ABL1: variants seen among roughly 807,000 people sequenced by gnomAD.
ABL1 encodes tyrosine-protein kinase ABL1.
In ABL1, 11 loss-of-function variants were observed where a neutral mutation model predicts 94.7. The ratio of observed to expected loss-of-function variants is 0.12; its 90% CI spans 0.07 to 0.19. ABL1 has a LOEUF of 0.19. Among genes scored for constraint, ABL1 ranks in the 10% least tolerant of loss-of-function variants. The pLI, the probability that ABL1 is intolerant of heterozygous loss-of-function variation, is 1.00. For synonymous variants in ABL1, 656 were observed against 622.4 expected, an observed-to-expected ratio of 1.05 and a Z score of -0.80; for missense variants, 1,082 against 1,489.4, an observed-to-expected ratio of 0.73 and a Z score of 4.50.
At chr9:130,878,630 A>G in intron 8 of ABL1, 63 bp downstream of exon 8, 1 of 1,576,918 alleles carries the variant, frequency 6.3e-7, no homozygotes, top group Non-Finnish European at 8.7e-7. Flanking sequence ...TCAACTGTGC[A>G]GGAGTGTGTA....
intron 1 of ABL1, among the ~76,000 whole-genome samples, chr9:130,803,121 C>A (rs1414979204): frequency 6.6e-6 from 1 of 152,164 alleles, no homozygotes; most frequent in Non-Finnish European, 1.5e-5. Flanking sequence ...CTCACTGCAA[C>A]CCCTACCTCC....
intron 1 of ABL1, among the ~76,000 whole-genome samples, chr9:130,766,211 C>G (rs796323025): frequency 1.8e-4 from 28 of 152,368 alleles, no homozygotes; most frequent in African/African-American, 6.5e-4. Context: ...CCTCGGCCCC[C>G]AGTGCCCCCG....
At chr9:130,818,095 C>T (rs1830313564) in intron 1 of ABL1, among the ~76,000 whole-genome samples, 1 of 152,152 alleles carries the variant, frequency 6.6e-6, no homozygotes, top group Admixed American at 6.5e-5. Flanking sequence ...CCAGTTGCTC[C>T]ATTTGGTCTT....
At chr9:130,859,584 G>A (rs535013749) in intron 3 of ABL1, among the ~76,000 whole-genome samples, 31 of 151,894 alleles carry the variant, frequency 2.0e-4, no homozygotes, top group South Asian at 1.3e-3. Flanking sequence ...TGGGACTCCC[G>A]GGCCCAAAGC....
intron 6 of ABL1, among the ~76,000 whole-genome samples, chr9:130,873,663 C>T (rs1831291947): frequency 6.6e-6 from 1 of 152,222 alleles, no homozygotes; most frequent in African/African-American, 2.4e-5. Context: ...TTTTGACCTT[C>T]AAATGTGCCA....
chr9:130,872,867 C>T lies in ABL1; in HGVS notation c.915C>T (p.Cys305=), dbSNP rs1259502994. The T allele has an allele frequency of 1.9e-6, 3 of 1,610,518 alleles. No homozygotes were observed. Among genetic ancestry groups the T allele is most frequent in the Admixed American group, 1.7e-5 (1 of 59,862 alleles). The part of the protein sequence containing the change: ...HPNLVQLLGV[C]TREPPFYIIT... ...TCGTTGTCTTGTTGGCAGGGGTCTGCACCCGGGAGCCCCCGTTCTATATCA... is the reference window on the plus strand; with the variant it reads ...TCGTTGTCTTGTTGGCAGGGGTCTGTACCCGGGAGCCCCCGTTCTATATCA... Residue 305 remains cysteine (C), a synonymous_variant, in exon 6 of 11, where the codon TGC becomes TGT. Coordinates refer to ENST00000318560, the MANE Select transcript of ABL1 (RefSeq NM_005157.6). The surrounding 1 kb of genome is among the most constrained non-coding windows in gnomAD (Gnocchi z 5.0).
intron 1 of ABL1, among the ~76,000 whole-genome samples, chr9:130,815,378 G>C (rs989780892): frequency 2.0e-5 from 3 of 152,126 alleles, no homozygotes; most frequent in South Asian, 4.1e-4. Context: ...CTTGTCCCCA[G>C]ATCTGATATA....
At chr9:130,749,974 G>A (rs1246388129) in intron 1 of ABL1, among the ~76,000 whole-genome samples, 1 of 151,542 alleles carries the variant, frequency 6.6e-6, no homozygotes, top group African/African-American at 2.4e-5. Flanking sequence ...AGGAGTTTGA[G>A]ACCAGCCTGG....
intron 1 of ABL1, among the ~76,000 whole-genome samples, chr9:130,728,100 CTG>C (rs1225917787): frequency 6.6e-6 from 1 of 152,066 alleles, no homozygotes; most frequent in African/African-American, 2.4e-5. Flanking sequence ...AGATCTCACT[CTG>C]TCACTCAGGC....
intron 3 of ABL1, among the ~76,000 whole-genome samples, chr9:130,858,487 G>A (rs2132964708): frequency 6.6e-6 from 1 of 152,206 alleles, no homozygotes; most frequent in African/African-American, 2.4e-5. Context: ...AGCCGTTTGG[G>A]CACCTGGGGA....
At chr9:130,732,658 G>C (rs1379786167) in intron 1 of ABL1, among the ~76,000 whole-genome samples, 1 of 152,050 alleles carries the variant, frequency 6.6e-6, no homozygotes, top group Non-Finnish European at 1.5e-5. Context: ...TGGGAATATT[G>C]TCCCTGTTAC....
chr9:130,714,453 A>G (rs1387507859), exon 1 of ABL1: 6 of 1,614,228 alleles, frequency 3.7e-6, no homozygotes, highest in Non-Finnish European at 5.1e-6. Context: ...TTTGTGGAAC[A>G]TGGTGAGTGC....
At chr9:130,841,330 A>G (rs1187004770) in intron 1 of ABL1, among the ~76,000 whole-genome samples, 1 of 151,130 alleles carries the variant, frequency 6.6e-6, no homozygotes, top group Non-Finnish European at 1.5e-5. Flanking sequence ...GATGGTCTCC[A>G]TCTCCTGACC....
At chr9:130,755,091 C>T (rs1468790519) in intron 1 of ABL1, among the ~76,000 whole-genome samples, 1 of 152,058 alleles carries the variant, frequency 6.6e-6, no homozygotes, top group African/African-American at 2.4e-5. Flanking sequence ...GTCCTGAGCG[C>T]CTAGAACAGT....
At chr9:130,859,145 C>T (rs1233856126) in intron 3 of ABL1, among the ~76,000 whole-genome samples, 1 of 152,232 alleles carries the variant, frequency 6.6e-6, no homozygotes, top group African/African-American at 2.4e-5. Flanking sequence ...TTCTTCACCA[C>T]CTTCTGCCTA....
chr9:130,876,778 C>T (rs1831352149), intron 7 of ABL1, among the ~76,000 whole-genome samples: 2 of 135,228 alleles, frequency 1.5e-5, no homozygotes, highest in Admixed American at 7.4e-5. Flanking sequence ...ACTCTGTCGC[C>T]CAGGCTGGAG....
In ABL1 at chr9:130,743,664, T is replaced by C. The variant is rs190706530; in HGVS notation, c.136+29209T>C. ...AGAGAATCCTGGGCCAAAACCTTTA[T>C]TGGGAGTCCAGGGAGTTTCCCAAGT... On this transcript the variant is annotated intron_variant, in intron 1 of 10. Transcript: ENST00000372348. Among the ~76,000 whole-genome samples the C allele has an allele frequency of 1.1e-4, 17 of 152,336 alleles. 1 individual carries two copies. The highest frequency in any genetic ancestry group is 3.8e-4 in the African/African-American group (16 of 41,572).
At chr9:130,806,823 A>G (rs930951428) in intron 1 of ABL1, among the ~76,000 whole-genome samples, 3 of 152,066 alleles carry the variant, frequency 2.0e-5, no homozygotes, top group Non-Finnish European at 2.9e-5. Context: ...ACATTTTCCT[A>G]TTTGTCTATA....
intron 6 of ABL1, among the ~76,000 whole-genome samples, chr9:130,873,494 T>C (rs1831289052): frequency 6.6e-6 from 1 of 152,216 alleles, no homozygotes. Context: ...TGGCTTTTGT[T>C]TTTTAGTGTG....
Sources: gnomAD v4.1 joint callset for allele counts (sites outside exome capture counted in the v4.1 genomes callset) on GRCh38, gnomAD v4.1.1 for gene constraint, Gnocchi (gnomAD v3.1) non-coding constraint, MANE v1.5 for transcripts, NCBI Gene and HGNC (gene_info 2026-07-23, HGNC 2026-07-21) for gene names.